The following UNC5A variants were observed in gnomAD, a reference collection of about 807,000 sequenced individuals.
The protein encoded by UNC5A is unc-5 netrin receptor A, also known as netrin receptor UNC5A.
A neutral mutation model predicts 87.4 loss-of-function variants in UNC5A; 20 were observed. The ratio of observed to expected loss-of-function variants is 0.23; its 90% CI spans 0.16 to 0.33. The LOEUF (loss-of-function observed/expected upper bound fraction) is 0.33. UNC5A is among the 10% of genes least tolerant of loss of function. The pLI is 1.00. For missense variants in UNC5A, 844 were observed against 1,133.4 expected (o/e 0.74, Z 3.67); for synonymous variants, 438 against 482.3 (o/e 0.91, Z 1.20).
At chr5:176,821,727 C>A (rs506410) in intron 1 of UNC5A, among the ~76,000 whole-genome samples, 1 of 152,138 alleles carries the variant, frequency 6.6e-6, no homozygotes, top group Admixed American at 6.5e-5. Flanking sequence ...ACGAGCTGGC[C>A]GCATACACCA....
rs1032715047 is a variant in UNC5A at position 176,810,724 on chromosome 5, G to GGCCC, written c.-19_-16dup. On this transcript the variant is annotated 5_prime_UTR_variant, in exon 1 of 15. Transcript: ENST00000329542. The surrounding 1 kb of genome is among the most constrained non-coding windows in gnomAD (Gnocchi z 7.3). ...CTCCCGCCCGCGGGGCCCCGCGCCC[G>GGCCC]GCCCGCCCGCCTGCCCGCCCGCGGC... is the stretch of plus-strand genomic sequence containing the variant. The GGCCC allele has an allele frequency of 9.5e-7, 1 of 1,053,338 alleles. No individual in the cohort carries two copies. Among genetic ancestry groups the GGCCC allele is most frequent in the Non-Finnish European group, 1.2e-6 (1 of 866,150 alleles). The allele number at this position is 1,053,338 out of a possible 1,614,324, so 65.2% of individuals were successfully genotyped here.
At chr5:176,877,459 G>T in intron 9 of UNC5A, 76 bp from the exon 10 acceptor site, 1 of 1,495,382 alleles carries the variant, frequency 6.7e-7, no homozygotes, top group Non-Finnish European at 9.1e-7. Flanking sequence ...CTGCTGCCCT[G>T]CCCTTGGCCT....
chr5:176,829,764 C>T (rs865791142), intron 1 of UNC5A, among the ~76,000 whole-genome samples: 1 of 152,130 alleles, frequency 6.6e-6, no homozygotes, highest in Non-Finnish European at 1.5e-5. Context: ...CTCAAGTCCC[C>T]AGGCAGGCCA....
chr5:176,870,250 C>A, intron 5 of UNC5A, 120 bp from the exon 6 acceptor site: 1 of 1,317,330 alleles, frequency 7.6e-7, no homozygotes, highest in Non-Finnish European at 1.0e-6. Context: ...GGCTTTGCAC[C>A]CAAATCCAGG....
chr5:176,811,890 G>A (rs1384080694), intron 1 of UNC5A, among the ~76,000 whole-genome samples: 2 of 152,140 alleles, frequency 1.3e-5, no homozygotes, highest in South Asian at 2.1e-4. Flanking sequence ...GAGCACTGGG[G>A]TTTCTGAGCT....
intron 1 of UNC5A, among the ~76,000 whole-genome samples, chr5:176,833,718 T>A (rs1757079609): frequency 1.3e-5 from 2 of 151,418 alleles, no homozygotes; most frequent in South Asian, 4.2e-4. Context: ...TCTTTCTTTT[T>A]TTTTTTTTTG....
rs771734603 is a variant in UNC5A, at chr5:176,877,636, G to C, written c.1568G>C (p.Cys523Ser). Residue 523 changes from cysteine (C) to serine (S), a missense_variant, in exon 10 of 15, where the codon TGT (cysteine) becomes TCT (serine). Physicochemically the swap from Cys to Ser is moderately radical, Grantham distance 112 (BLOSUM62 -1). Around this residue, in one of 3 missense-constraint regions of UNC5A, gnomAD observed 353 missense variants for 387.5 expected, o/e 0.91. Coordinates refer to ENST00000329542, the MANE Select transcript of UNC5A (RefSeq NM_133369.3). Reference protein sequence around the residue: ...TRPVILAMDHCGEPSPDSWSL... With the variant: ...TRPVILAMDHSGEPSPDSWSL... ...CCAGTCATCCTGGCTATGGACCACT[G>C]TGGGGAGCCCAGCCCTGACAGCTGG... 6 of 1,612,578 alleles carry C rather than the reference G, an allele frequency of 3.7e-6. No homozygotes were observed. Among genetic ancestry groups the C allele is most frequent in the African/African-American group, 1.3e-5 (1 of 75,048 alleles).
chr5:176,877,828 T>G, intron 10 of UNC5A, 66 bp from the exon 11 acceptor site: 2 of 1,530,004 alleles, frequency 1.3e-6, no homozygotes, highest in South Asian at 1.2e-5. Flanking sequence ...GGCCACTTCT[T>G]GAAGCCACAG....
intron 1 of UNC5A, among the ~76,000 whole-genome samples, chr5:176,854,687 C>T (rs1245818217): frequency 1.3e-5 from 2 of 152,364 alleles, no homozygotes; most frequent in South Asian, 2.1e-4. Flanking sequence ...TCTAGCCCTT[C>T]GTTCCTGGGC....
chr5:176,854,518 C>T lies in UNC5A; in HGVS notation c.71-8106C>T, dbSNP rs368732651. 9.8e-5 allele frequency among the ~76,000 whole-genome samples: 15 copies of T among 152,322 alleles called. No homozygotes were observed. In the East Asian group the frequency reaches 2.5e-3, roughly 25 times the overall value. On this transcript the variant is annotated intron_variant, in intron 1 of 14. Transcript: ENST00000329542. ...GGCTCCTGCTCCCCCTGCCCCCTGC[C>T]GCTGTGCCCCCTGGCTCCCTGACCC...
rs1335824098 is a variant in UNC5A, at chr5:176,841,444, G to A, written c.71-21180G>A. ...CTTGGGGCACAGACTGTGGAACCGG[G>A]CTGCCTGGCTGTCCCATGTGCAGCA... is the stretch of plus-strand genomic sequence containing the variant. On this transcript the variant is annotated intron_variant, in intron 1 of 14. Coordinates refer to ENST00000329542, the MANE Select transcript of UNC5A (RefSeq NM_133369.3). This position sits in a 1 kb window ranked among gnomAD's most constrained non-coding sequence, Gnocchi z 4.1. Among the ~76,000 whole-genome samples the A allele has an allele frequency of 2.0e-5, 3 of 152,216 alleles. No homozygotes were observed. The highest frequency in any genetic ancestry group is 4.4e-5 in the Non-Finnish European group (3 of 68,040).
intron 1 of UNC5A, among the ~76,000 whole-genome samples, chr5:176,858,447 G>T (rs976609660): frequency 6.6e-6 from 1 of 152,146 alleles, no homozygotes; most frequent in Non-Finnish European, 1.5e-5. Context: ...TCAGAAAAGG[G>T]CTGGAGCACT....
At chr5:176,877,476 C>T in intron 9 of UNC5A, 59 bp from the exon 10 acceptor site, 1 of 1,537,144 alleles carries the variant, frequency 6.5e-7, no homozygotes, top group Non-Finnish European at 8.8e-7. Context: ...GCCTAGCCCT[C>T]AGGACCCAGG....
intron 1 of UNC5A, among the ~76,000 whole-genome samples, chr5:176,842,681 C>A (rs1051298749): frequency 3.7e-4 from 56 of 151,982 alleles, no homozygotes; most frequent in African/African-American, 1.4e-3. Context: ...AAGAATGATA[C>A]AATGGACTTT....
intron 1 of UNC5A, among the ~76,000 whole-genome samples, chr5:176,831,371 A>G (rs1279473708): frequency 6.6e-6 from 1 of 152,122 alleles, no homozygotes; most frequent in East Asian, 1.9e-4. Flanking sequence ...CAGGGCTCCA[A>G]TGCCAGGGAC....
At chr5:176,833,886 A>T (rs1215236325) in intron 1 of UNC5A, among the ~76,000 whole-genome samples, 1 of 151,770 alleles carries the variant, frequency 6.6e-6, no homozygotes, top group East Asian at 1.9e-4. Context: ...TTTTTGTATT[A>T]GTAGAGACGG....
chr5:176,855,575 C>T (rs1281563433), intron 1 of UNC5A, among the ~76,000 whole-genome samples: 3 of 152,212 alleles, frequency 2.0e-5, no homozygotes, highest in Non-Finnish European at 2.9e-5. Context: ...GGACAGAACA[C>T]GCAGAACCCC....
Position 176,869,519 on chromosome 5 carries a change from G to C in UNC5A, c.721+555G>C. 1.6e-6 allele frequency: 1 copy of C among 619,308 alleles called. No individual in the cohort carries two copies. The highest frequency in any genetic ancestry group is 4.2e-4 in the Middle Eastern group (1 of 2,372). The allele number at this position is 619,308 out of a possible 1,614,324, so 38.4% of individuals were successfully genotyped here. A position where few individuals can be genotyped will look rare whatever the true frequency, so the allele number is the denominator to read the frequency against. On this transcript the variant is annotated intron_variant, in intron 5 of 14. Coordinates refer to ENST00000329542, the MANE Select transcript of UNC5A (RefSeq NM_133369.3). This position sits in a 1 kb window ranked among gnomAD's most constrained non-coding sequence, Gnocchi z 9.1. ...CTCAGCCACAGCCCACCCGTGTCCA[G>C]CTCACAGCCCCTCTGCCCTCACGCC...
At chr5:176,854,963 T>A (rs1757630942) in intron 1 of UNC5A, among the ~76,000 whole-genome samples, 1 of 151,924 alleles carries the variant, frequency 6.6e-6, no homozygotes, top group Non-Finnish European at 1.5e-5. Context: ...GAAGAATGAG[T>A]AGTGGTCACC....
Sources: allele counts gnomAD v4.1 joint callset (sites outside exome capture counted in the v4.1 genomes callset), GRCh38; gene constraint gnomAD v4.1.1; regional missense constraint gnomAD v4.1.1; non-coding constraint Gnocchi (gnomAD v3.1); transcripts MANE v1.5; gene names NCBI Gene and HGNC (gene_info 2026-07-23, HGNC 2026-07-21).